The following AHNAK variants were observed in gnomAD, a reference collection of about 807,000 sequenced individuals.
The protein encoded by AHNAK is neuroblast differentiation-associated protein AHNAK.
AHNAK carries 23 observed loss-of-function variants against 37.8 expected under a neutral mutation model. The ratio of observed to expected loss-of-function variants is 0.61; its 90% confidence interval spans 0.44 to 0.86. The LOEUF (loss-of-function observed/expected upper bound fraction) is 0.86, where lower values mean the gene tolerates loss of function less well. Among genes scored for constraint, AHNAK ranks in the 40% least tolerant of loss-of-function variants. The pLI is 0.00. For synonymous variants in AHNAK, 2,481 were observed against 2,636.3 expected (o/e 0.94, Z 1.80); for missense variants, 7,411 against 7,319.4 (o/e 1.01, Z -0.46).
At chr11:62,454,282 G>A (rs1241335246) in intron 5 of AHNAK, among the ~76,000 whole-genome samples, 7 of 144,980 alleles carry the variant, frequency 4.8e-5, no homozygotes, top group African/African-American at 1.5e-4. Flanking sequence ...GCGTGGTGGC[G>A]GGCGCCTGTA....
At chr11:62,451,877 G>A (rs1248768811) in intron 5 of AHNAK, among the ~76,000 whole-genome samples, 8 of 141,560 alleles carry the variant, frequency 5.7e-5, no homozygotes, top group Non-Finnish European at 1.2e-4. Context: ...GCAGGATCTC[G>A]CCTCACTGCA....
In AHNAK at chr11:62,530,496, C is replaced by A. The variant is rs746853100; in HGVS notation, c.3921G>T (p.Lys1307Asn). The A allele has an allele frequency of 6.2e-7, 1 of 1,611,350 alleles. No individual in the cohort carries two copies. Among genetic ancestry groups the A allele is most frequent in the South Asian group, 1.1e-5 (1 of 90,974 alleles). ...VSLEGPEGKLKGPKFKMPEMH... is the reference protein window; with the variant it reads ...VSLEGPEGKLNGPKFKMPEMH... ...TCTCAGGCATCTTAAACTTGGGGCCCTTCAGCTTTCCTTCCGGGCCCTCAA... is the reference window on the plus strand; with the variant it reads ...TCTCAGGCATCTTAAACTTGGGGCCATTCAGCTTTCCTTCCGGGCCCTCAA... The change falls in exon 5 of 5, where the codon AAG (lysine) becomes AAT (asparagine). Residue 1307 changes from lysine (K) to asparagine (N), a missense_variant. By Grantham distance (94) the Lys-to-Asn change is moderately conservative (BLOSUM62 0). Transcript: ENST00000378024.
Position 62,519,966 on chromosome 11 carries a change from G to C in AHNAK, c.14451C>G (p.Asp4817Glu), listed in dbSNP as rs200960440. Residue 4817 changes from aspartate to glutamate, a missense_variant, in exon 5 of 5, where the codon GAC becomes GAG. By Grantham distance (45) the Asp-to-Glu change is conservative (BLOSUM62 2). Coordinates refer to ENST00000378024, the MANE Select transcript of AHNAK (RefSeq NM_001620.3). ...ADIDVSGPKVDVDIPDVNIEG... is the reference protein window; with the variant it reads ...ADIDVSGPKVEVDIPDVNIEG... Reference sequence around the variant, plus strand: ...CGATATTCACATCTGGAATATCAACGTCCACCTTGGGTCCCGAGACATCGA... The same window carrying C: ...CGATATTCACATCTGGAATATCAACCTCCACCTTGGGTCCCGAGACATCGA... 4.1e-5 allele frequency: 66 copies of C among 1,613,240 alleles called. No individual in the cohort carries two copies. Among genetic ancestry groups the C allele is most frequent in the Non-Finnish European group, 5.5e-5 (65 of 1,179,872 alleles).
At chr11:62,447,055 G>A (rs995010273) in intron 5 of AHNAK, among the ~76,000 whole-genome samples, 1 of 151,984 alleles carries the variant, frequency 6.6e-6, no homozygotes, top group African/African-American at 2.4e-5. Flanking sequence ...GCCGTTCTAT[G>A]GAAACAGCCC....
chr11:62,511,565 A>AT (rs1939914021), downstream of AHNAK, among the ~76,000 whole-genome samples: 2 of 152,192 alleles, frequency 1.3e-5, no homozygotes, highest in African/African-American at 4.8e-5. Context: ...CCAGCAGTAG[A>AT]TTTTTTACAG....
Position 62,521,235 on chromosome 11 carries a change from C to A in AHNAK, c.13182G>T (p.Leu4394Phe). 1 of 1,613,992 alleles carries A rather than the reference C, an allele frequency of 6.2e-7. No individual in the cohort carries two copies. Among genetic ancestry groups the A allele is most frequent in the Non-Finnish European group, 8.5e-7 (1 of 1,179,996 alleles). Residue 4394 changes from leucine (L) to phenylalanine (F), a missense_variant, in exon 5 of 5, where the codon TTG (leucine) becomes TTT (phenylalanine). Transcript: ENST00000378024. Reference sequence around the variant, plus strand: ...CATCACCTTTCACTTTGGGACCCTTCAAGTTAAAGTCAATGTCAGGCATGG... The same window carrying A: ...CATCACCTTTCACTTTGGGACCCTTAAAGTTAAAGTCAATGTCAGGCATGG... Reference protein sequence around the residue: ...KISMPDIDFNLKGPKVKGDVD... With the variant: ...KISMPDIDFNFKGPKVKGDVD...
intron 1 of AHNAK, among the ~76,000 whole-genome samples, chr11:62,543,802 G>A (rs1285574864): frequency 6.6e-6 from 1 of 152,196 alleles, no homozygotes; most frequent in Non-Finnish European, 1.5e-5. Context: ...CACCGCCCAA[G>A]CAGCACATTC....
intron 1 of AHNAK, among the ~76,000 whole-genome samples, chr11:62,540,784 C>T (rs957068253): frequency 3.3e-5 from 5 of 152,194 alleles, no homozygotes; most frequent in Non-Finnish European, 5.9e-5. Flanking sequence ...GGTGAGAGCA[C>T]GTATGCCTGA....
At chr11:62,464,182 C>T (rs1485900542) in intron 5 of AHNAK, among the ~76,000 whole-genome samples, 1 of 151,864 alleles carries the variant, frequency 6.6e-6, no homozygotes, top group East Asian at 2.0e-4. Flanking sequence ...AACGGGCCAC[C>T]ATACCCTGCT....
intron 4 of AHNAK, among the ~76,000 whole-genome samples, chr11:62,499,588 G>A (rs887273252): frequency 1.3e-5 from 2 of 152,086 alleles, no homozygotes; most frequent in South Asian, 2.1e-4. Context: ...TTGAGCTGTC[G>A]GCAGCTGCGC....
At chr11:62,460,148 G>A (rs112378832) in intron 5 of AHNAK, among the ~76,000 whole-genome samples, 3,893 of 150,590 alleles carry the variant, frequency 0.026, 117 homozygotes, top group Admixed American at 0.043. Flanking sequence ...AGAGCTGGGC[G>A]TGGTGGCACA....
At chr11:62,444,145 G>A (rs540511598) in intron 5 of AHNAK, among the ~76,000 whole-genome samples, 3 of 152,272 alleles carry the variant, frequency 2.0e-5, no homozygotes, top group South Asian at 2.1e-4. Context: ...ACCCGGCCTC[G>A]TAACAACCCT....
Position 62,516,320 on chromosome 11 carries a change from A to T in AHNAK, c.*424T>A, listed in dbSNP as rs1940016307. 7.0e-6 allele frequency: 9 copies of T among 1,289,402 alleles called. No individual in the cohort carries two copies. The South Asian group carries it at 1.1e-4, about 16-fold the overall frequency. 79.9% of individuals were successfully genotyped at this position (1,289,402 alleles called of 1,614,324 possible). ...AGAGGAAGACCTGACCTCCGTCTGC[A>T]ACCCATCACCCCACCCACCCTTACT... On this transcript the variant is annotated 3_prime_UTR_variant, in exon 5 of 5. Coordinates refer to ENST00000378024, the MANE Select transcript of AHNAK (RefSeq NM_001620.3).
In AHNAK at chr11:62,523,967, C is replaced by T; in HGVS notation, c.10450G>A (p.Val3484Met). ...MPKMKMPKFS[V>M]SGLKAEGPDV... ...GGCCCTTCTGCTTTTAAGCCAGACA[C>T]ACTGAATTTGGGCATTTTCATCTTG... is the stretch of plus-strand genomic sequence containing the variant. Residue 3484 changes from valine to methionine, a missense_variant, in exon 5 of 5, where the codon GTG becomes ATG. Val to Met is a conservative substitution (Grantham distance 21). Transcript: ENST00000378024. The T allele has an allele frequency of 6.2e-7, 1 of 1,613,686 alleles. No individual in the cohort carries two copies. The highest frequency in any genetic ancestry group is 1.3e-5 in the African/African-American group (1 of 74,872).
At chr11:62,446,352 T>C (rs530436520) in intron 5 of AHNAK, among the ~76,000 whole-genome samples, 4 of 152,224 alleles carry the variant, frequency 2.6e-5, no homozygotes, top group African/African-American at 7.2e-5. Context: ...CAGGATCTGG[T>C]GGCTCTGTGC....
intron 5 of AHNAK, among the ~76,000 whole-genome samples, chr11:62,469,606 AG>A (rs1043036165): frequency 5.9e-5 from 9 of 151,786 alleles, no homozygotes; most frequent in African/African-American, 2.2e-4. Flanking sequence ...CTGGAATTAC[AG>A]GTATTTGCCA....
intron 4 of AHNAK, among the ~76,000 whole-genome samples, chr11:62,509,821 G>A (rs906312699): frequency 6.6e-6 from 1 of 152,002 alleles, no homozygotes; most frequent in African/African-American, 2.4e-5. Context: ...AGGAGGCTAA[G>A]ACAGGAGAAT....
rs749245064 is a variant in AHNAK at position 62,533,213 on chromosome 11, G to A, written c.1204C>T (p.Pro402Ser). 1 of 1,527,002 alleles carries A rather than the reference G, an allele frequency of 6.5e-7. No homozygotes were observed. The highest frequency in any genetic ancestry group is 2.3e-5 in the East Asian group (1 of 44,322). The allele number at this position is 1,527,002 out of a possible 1,614,324, so 94.6% of individuals were successfully genotyped here. ...CCAGTGATGCTACCCCCAATTTGGGGAGCAGAGGCATCCACCCCAATGTGC... is the reference window on the plus strand; with the variant it reads ...CCAGTGATGCTACCCCCAATTTGGGAAGCAGAGGCATCCACCCCAATGTGC... ...QGHIGVDASA[P>S]QIGGSITGPS... Residue 402 changes from proline (P) to serine (S), a missense_variant, in exon 5 of 5, where the codon CCC (proline) becomes TCC (serine). By Grantham distance (74) the Pro-to-Ser change is moderately conservative. Transcript: ENST00000378024.
Position 62,528,569 on chromosome 11 carries a change from C to T in AHNAK, c.5848G>A (p.Asp1950Asn), listed in dbSNP as rs1164040605. 6.2e-7 allele frequency: 1 copy of T among 1,612,486 alleles called. No homozygotes were observed. Among genetic ancestry groups the T allele is most frequent in the Non-Finnish European group, 8.5e-7 (1 of 1,179,818 alleles). ...ACACCCACACTGGGACCTGTTAAAT[C>T]TCCCTCCAATTTTGGCACCGACACA... Reference protein sequence around the residue: ...VDVSVPKLEGDLTGPSVGVEV... With the variant: ...VDVSVPKLEGNLTGPSVGVEV... The change falls in exon 5 of 5, where the codon GAT becomes AAT. Residue 1950 changes from aspartate (D) to asparagine (N), a missense_variant. Physicochemically the swap from Asp to Asn is conservative, Grantham distance 23 (BLOSUM62 1). Transcript: ENST00000378024.
Sources: allele counts gnomAD v4.1 joint callset (sites outside exome capture counted in the v4.1 genomes callset), GRCh38; gene constraint gnomAD v4.1.1; transcripts MANE v1.5; gene names NCBI Gene and HGNC (gene_info 2026-07-23, HGNC 2026-07-21).